The following ERBB4 variants were observed in gnomAD, a reference collection of about 807,000 sequenced individuals.
ERBB4 encodes receptor tyrosine-protein kinase erbB-4.
Under a neutral mutation model 158.0 loss-of-function variants are expected in ERBB4, and 42 were observed. The ratio of observed to expected loss-of-function variants is 0.27; its 90% CI spans 0.21 to 0.34. The LOEUF is 0.34. Ranked by LOEUF, ERBB4 falls within the 10% of genes least tolerant of loss-of-function variation. ERBB4 has a pLI of 1.00. For synonymous variants in ERBB4, 583 were observed against 558.7 expected (o/e 1.04, Z -0.61); for missense variants, 1,333 against 1,624.1 (o/e 0.82, Z 3.08).
intron 20 of ERBB4, among the ~76,000 whole-genome samples, chr2:211,470,700 A>AGT (rs1484988579): frequency 1.3e-5 from 2 of 152,200 alleles, no homozygotes; most frequent in African/African-American, 4.8e-5. Flanking sequence ...CTAACTCACC[A>AGT]GTGGATCTTG....
At chr2:211,839,499 GT>G (rs1293071132) in intron 3 of ERBB4, among the ~76,000 whole-genome samples, 1 of 151,964 alleles carries the variant, frequency 6.6e-6, no homozygotes, top group Non-Finnish European at 1.5e-5. Flanking sequence ...TCTCAACTAG[GT>G]TTTTTTCTCA....
chr2:211,949,900 T>A (rs1257615399), intron 2 of ERBB4, among the ~76,000 whole-genome samples: 1 of 152,178 alleles, frequency 6.6e-6, no homozygotes, highest in Non-Finnish European at 1.5e-5. Context: ...CATACATTTA[T>A]CAGATTTAGT....
chr2:211,809,092 C>T (rs2076688577), intron 3 of ERBB4, among the ~76,000 whole-genome samples: 1 of 152,144 alleles, frequency 6.6e-6, no homozygotes, highest in African/African-American at 2.4e-5. Flanking sequence ...ATTTGACTTC[C>T]TCTTTTCCTA....
chr2:211,568,887 T>C lies in ERBB4; in HGVS notation c.2302-6799A>G, dbSNP rs753618464. Among the ~76,000 whole-genome samples, 5 of 152,316 alleles carry C rather than the reference T, an allele frequency of 3.3e-5. No homozygotes were observed. In the South Asian group the frequency reaches 6.2e-4, roughly 19 times the overall value. On this transcript the variant is annotated intron_variant, in intron 19 of 27. Transcript: ENST00000342788. ...CACTGGTCCATAATAATTTTTTTACTAACTTGCTTTGCTGCAGATGGTATG... is the reference window on the plus strand; with the variant it reads ...CACTGGTCCATAATAATTTTTTTACCAACTTGCTTTGCTGCAGATGGTATG...
Position 211,891,734 on chromosome 2 carries a change from G to A in ERBB4, c.421+55696C>T, listed in dbSNP as rs1407564719. ...AAATGATAAACGGGATATCACCACC[G>A]ATCCCACAGAAATACAAACTACCAT... On this transcript the variant is annotated intron_variant, in intron 3 of 27. Transcript: ENST00000342788. Among the ~76,000 whole-genome samples the A allele has an allele frequency of 4.3e-5, 6 of 138,668 alleles. 1 individual carries two copies. Among genetic ancestry groups the A allele is most frequent in the Middle Eastern group, 7.0e-3 (2 of 286 alleles). 91.0% of individuals were successfully genotyped at this position (138,668 alleles called of 152,430 possible).
intron 20 of ERBB4, among the ~76,000 whole-genome samples, chr2:211,516,722 C>A (rs959561783): frequency 1.3e-5 from 2 of 152,102 alleles, no homozygotes; most frequent in African/African-American, 4.8e-5. Flanking sequence ...GTCTTTCTCA[C>A]GCTGCAGTCA....
chr2:211,738,361 G>GTTTTTTTTTTTT (rs10535592), intron 5 of ERBB4, among the ~76,000 whole-genome samples: 1 of 135,342 alleles, frequency 7.4e-6, no homozygotes, highest in African/African-American at 2.6e-5. Context: ...CTTTGTTTTT[G>GTTTTTTTTTTTT]TTTTTTTTTT....
At chr2:212,358,491 T>C (rs1314149004) in intron 1 of ERBB4, among the ~76,000 whole-genome samples, 3 of 151,826 alleles carry the variant, frequency 2.0e-5, no homozygotes, top group Non-Finnish European at 2.9e-5. Context: ...AATGTTCATA[T>C]GGGAGTAAAT....
chr2:211,770,493 C>A (rs533434028), intron 4 of ERBB4, among the ~76,000 whole-genome samples: 1 of 152,050 alleles, frequency 6.6e-6, no homozygotes, highest in Admixed American at 6.6e-5. Flanking sequence ...GGTGTGAAAA[C>A]CTTTCTCATA....
chr2:212,259,489 A>C (rs1330155387), intron 1 of ERBB4, among the ~76,000 whole-genome samples: 1 of 152,148 alleles, frequency 6.6e-6, no homozygotes, highest in African/African-American at 2.4e-5. Context: ...ATTGGTAAGA[A>C]GAAACAAGGA....
chr2:211,627,031 T>C (rs1168512888), intron 17 of ERBB4, among the ~76,000 whole-genome samples: 2 of 152,120 alleles, frequency 1.3e-5, no homozygotes, highest in African/African-American at 4.8e-5. Flanking sequence ...CACTGCATTA[T>C]AAAAACAAAC....
intron 1 of ERBB4, among the ~76,000 whole-genome samples, chr2:212,286,135 G>C (rs144387445): frequency 0.012 from 1,883 of 152,194 alleles, 23 homozygotes; most frequent in African/African-American, 0.042. Context: ...AAAGCAAGAG[G>C]TACATATTAA....
intron 20 of ERBB4, among the ~76,000 whole-genome samples, chr2:211,511,937 C>T (rs2065894462): frequency 6.6e-6 from 1 of 151,994 alleles, no homozygotes; most frequent in South Asian, 2.1e-4. Context: ...GGTCTAAATT[C>T]CCATGCTTCT....
intron 2 of ERBB4, among the ~76,000 whole-genome samples, chr2:212,090,808 G>A (rs1409904075): frequency 6.6e-6 from 1 of 152,058 alleles, no homozygotes; most frequent in Non-Finnish European, 1.5e-5. Flanking sequence ...TTTACTATAA[G>A]GTAATACTAA....
chr2:212,075,984 T>C (rs1478484765), intron 2 of ERBB4, among the ~76,000 whole-genome samples: 2 of 151,900 alleles, frequency 1.3e-5, no homozygotes, highest in African/African-American at 4.8e-5. Flanking sequence ...TAATTTTAAC[T>C]AGAGAATTTT....
chr2:211,438,186 C>T (rs1018508544), intron 20 of ERBB4, among the ~76,000 whole-genome samples: 5 of 152,010 alleles, frequency 3.3e-5, no homozygotes, highest in African/African-American at 7.2e-5. Flanking sequence ...ATGGATTGGC[C>T]GAAATGATCT....
chr2:211,570,215 G>A (rs551306419), intron 19 of ERBB4, among the ~76,000 whole-genome samples: 15 of 151,932 alleles, frequency 9.9e-5, no homozygotes, highest in South Asian at 6.2e-4. Flanking sequence ...GCAGTGGTGC[G>A]ATTTTGGCTC....
intron 1 of ERBB4, among the ~76,000 whole-genome samples, chr2:212,264,226 T>C (rs1387695882): frequency 2.0e-5 from 3 of 152,162 alleles, no homozygotes; most frequent in African/African-American, 7.2e-5. Context: ...ATACCCAATG[T>C]ATTTAGACAG....
At chr2:211,489,904 A>T (rs1275148157) in intron 20 of ERBB4, among the ~76,000 whole-genome samples, 1 of 152,040 alleles carries the variant, frequency 6.6e-6, no homozygotes, top group Admixed American at 6.6e-5. Flanking sequence ...AAATGAAAAA[A>T]TCATGCAATA....
Sources: allele counts gnomAD v4.1 joint callset (sites outside exome capture counted in the v4.1 genomes callset), GRCh38; gene constraint gnomAD v4.1.1; transcripts MANE v1.5; gene names NCBI Gene and HGNC (gene_info 2026-07-23, HGNC 2026-07-21).